IL16: variants seen among roughly 807,000 people sequenced by gnomAD.
IL16 encodes interleukin 16.
A neutral mutation model predicts 110.1 loss-of-function variants in IL16; 67 were observed. That is an observed-to-expected ratio of 0.61 (90% CI 0.50 to 0.75). The LOEUF (loss-of-function observed/expected upper bound fraction) is 0.75, where lower values mean the gene tolerates loss of function less well. Among genes scored for constraint, IL16 ranks in the 30% least tolerant of loss-of-function variants. The pLI is 0.00. For synonymous variants in IL16, 689 were observed against 662.9 expected, an observed-to-expected ratio of 1.04 and a Z score of -0.61; for missense variants, 1,545 against 1,655.0, an observed-to-expected ratio of 0.93 and a Z score of 1.15.
intron 6 of IL16, among the ~76,000 whole-genome samples, chr15:81,277,098 T>TA (rs1243041550): frequency 6.6e-6 from 1 of 150,456 alleles, no homozygotes; most frequent in Non-Finnish European, 1.5e-5. Flanking sequence ...GTCATTGAAA[T>TA]AAAAAACTCA....
Position 81,305,978 on chromosome 15 carries a change from C to T in IL16, c.3491C>T (p.Ser1164Phe), listed in dbSNP as rs1340711187. The change falls in exon 17 of 19, where the codon TCC (serine) becomes TTC (phenylalanine). Residue 1164 changes from serine (S) to phenylalanine (F), a missense_variant. This residue lies in a region of IL16 where 356 missense variants were observed against 399.3 expected (regional missense o/e 0.89). Coordinates refer to ENST00000683961, the MANE Select transcript of IL16 (RefSeq NM_172217.5). ...GTIQKGNEVLSINGKSLKGTT... is the reference protein window; with the variant it reads ...GTIQKGNEVLFINGKSLKGTT... ...ATTCAGAAGGGCAATGAGGTTCTTT[C>T]CATCAACGGCAAGTCTCTCAAGGGG... is the stretch of plus-strand genomic sequence containing the variant. 1.2e-6 allele frequency: 2 copies of T among 1,614,240 alleles called. No individual in the cohort carries two copies. The highest frequency in any genetic ancestry group is 1.7e-6 in the Non-Finnish European group (2 of 1,180,036).
intron 10 of IL16, among the ~76,000 whole-genome samples, chr15:81,288,615 A>G (rs776301175): frequency 5.4e-4 from 82 of 152,108 alleles, no homozygotes; most frequent in Non-Finnish European, 8.4e-4. Flanking sequence ...ACAAGTCCCT[A>G]TGTTCTCCTA....
intron 7 of IL16, among the ~76,000 whole-genome samples, 162 bp downstream of exon 7, chr15:81,279,052 A>G (rs976588179): frequency 2.0e-5 from 3 of 152,242 alleles, no homozygotes; most frequent in East Asian, 3.8e-4. Context: ...CCTGACTCAG[A>G]AAATAATAGT....
At chr15:81,285,650 T>C (rs1899411401) in intron 9 of IL16, 48 bp from the exon 10 acceptor site, 2 of 1,606,578 alleles carry the variant, frequency 1.2e-6, no homozygotes, top group Admixed American at 1.7e-5. Flanking sequence ...ACTGTTCAAA[T>C]GTCTCATTGA....
chr15:81,254,122 A>G (rs946810053), intron 2 of IL16, among the ~76,000 whole-genome samples: 1 of 152,166 alleles, frequency 6.6e-6, no homozygotes, highest in Non-Finnish European at 1.5e-5. Context: ...CTTAGACTGG[A>G]GCAGCTATGG....
intron 1 of IL16, among the ~76,000 whole-genome samples, chr15:81,202,206 AT>A (rs1296415317): frequency 6.6e-6 from 1 of 152,212 alleles, no homozygotes; most frequent in East Asian, 1.9e-4. Context: ...AACTCGAAAT[AT>A]GACAGACAGA....
At chr15:81,186,335 C>G (rs1393014478) in intron 1 of IL16, among the ~76,000 whole-genome samples, 1 of 152,170 alleles carries the variant, frequency 6.6e-6, no homozygotes, top group Non-Finnish European at 1.5e-5. Flanking sequence ...CAAAACAAGA[C>G]ACAGGGAGTT....
intron 12 of IL16, among the ~76,000 whole-genome samples, chr15:81,296,636 A>G (rs1899997559): frequency 6.6e-6 from 1 of 152,100 alleles, no homozygotes; most frequent in Admixed American, 6.5e-5. Context: ...CCACACTCAA[A>G]GCCTTTTGTT....
rs773520219 is a variant in IL16, at chr15:81,259,793, C to G, written c.334C>G (p.Arg112Gly). Residue 112 changes from arginine (R) to glycine (G), a missense_variant, in exon 3 of 19, where the codon CGA becomes GGA. Arg to Gly is a moderately radical substitution (Grantham distance 125). Around this residue, in one of 3 missense-constraint regions of IL16, gnomAD observed 1,185 missense variants for 1,238.8 expected, o/e 0.96. Coordinates refer to ENST00000683961, the MANE Select transcript of IL16 (RefSeq NM_172217.5). ...FMKESSTASS[R>G]EKPGKLEAQS... ...GCAGGAATCTTCCACAGCTTCCTCT[C>G]GAGAAAAGCCTGGAAAACTAGAAGC... 1 of 1,613,210 alleles carries G rather than the reference C, an allele frequency of 6.2e-7. No individual in the cohort carries two copies.
Position 81,217,609 on chromosome 15 carries a change from A to G in IL16, c.-101-7690A>G, listed in dbSNP as rs557878059. On this transcript the variant is annotated intron_variant, in intron 1 of 18. Transcript: ENST00000683961. ...TGGCAGACCATTCCTATTTGTGAATATAGATATAAAAGTCCTAAATAAAAT... is the reference window on the plus strand; with the variant it reads ...TGGCAGACCATTCCTATTTGTGAATGTAGATATAAAAGTCCTAAATAAAAT... 2.6e-5 allele frequency among the ~76,000 whole-genome samples: 4 copies of G among 152,330 alleles called. No individual in the cohort carries two copies. In the South Asian group the frequency reaches 6.2e-4, roughly 24 times the overall value.
Position 81,292,986 on chromosome 15 carries a change from G to A in IL16, c.1851G>A (p.Glu617=). ...GTGACCCTCAGAAGAGTCTGGAAGA[G>A]AGAGAGAACTCCTCATGCTCTTCTG... ...SDSDPQKSLE[E]RENSSCSSGH... is the part of the protein sequence containing the mutation. The change falls in exon 12 of 19, where the codon GAG becomes GAA. Residue 617 remains glutamate, a synonymous_variant. Coordinates refer to ENST00000683961, the MANE Select transcript of IL16 (RefSeq NM_172217.5). 1.2e-6 allele frequency: 2 copies of A among 1,613,332 alleles called. No individual in the cohort carries two copies. Among genetic ancestry groups the A allele is most frequent in the Non-Finnish European group, 1.7e-6 (2 of 1,180,024 alleles).
intron 1 of IL16, among the ~76,000 whole-genome samples, chr15:81,205,951 CAATG>C (rs1024574886): frequency 2.0e-5 from 3 of 151,986 alleles, no homozygotes; most frequent in East Asian, 1.9e-4. Context: ...AAAGAGCACT[CAATG>C]AAGGCATGAA....
intron 18 of IL16, 48 bp downstream of exon 18, chr15:81,306,593 TGGCCA>T: frequency 6.2e-7 from 1 of 1,604,572 alleles, no homozygotes; most frequent in African/African-American, 1.3e-5. Flanking sequence ...TGTGGGCATG[TGGCCA>T]GGCCCCCAAA....
Position 81,313,360 on chromosome 15 carries a change from G to A in IL16, c.*4562G>A, listed in dbSNP as rs759443451. ...ACGTTCTGTGGGAGGTAACCGCTGA[G>A]GTCGGTATGGAAGAATGTGACCAGG... On this transcript the variant is annotated 3_prime_UTR_variant, in exon 19 of 19. Transcript: ENST00000683961. 16 of 1,582,142 alleles carry A rather than the reference G, an allele frequency of 1.0e-5. No homozygotes were observed. The South Asian group carries it at 1.9e-4, about 19-fold the overall frequency.
chr15:81,201,179 G>A (rs1390605183), intron 1 of IL16, among the ~76,000 whole-genome samples: 1 of 151,844 alleles, frequency 6.6e-6, no homozygotes, highest in African/African-American at 2.4e-5. Context: ...GTGTATGTGT[G>A]GTGAAAAAGA....
intron 4 of IL16, among the ~76,000 whole-genome samples, chr15:81,266,454 T>C (rs1898385913): frequency 6.6e-6 from 1 of 152,188 alleles, no homozygotes; most frequent in Non-Finnish European, 1.5e-5. Flanking sequence ...TGCTCCTCAG[T>C]CCATGACCTT....
intron 12 of IL16, among the ~76,000 whole-genome samples, chr15:81,293,374 G>C (rs544701992): frequency 1.1e-4 from 16 of 152,264 alleles, no homozygotes; most frequent in African/African-American, 3.6e-4. Flanking sequence ...GTGGATCTTT[G>C]AGTGTCCTGC....
intron 1 of IL16, among the ~76,000 whole-genome samples, chr15:81,191,608 C>T (rs1185327757): frequency 6.6e-6 from 1 of 152,174 alleles, no homozygotes; most frequent in African/African-American, 2.4e-5. Context: ...AACAAGACAG[C>T]TTCAAATGCT....
intron 1 of IL16, among the ~76,000 whole-genome samples, chr15:81,183,048 T>TGTGTGTGCACACGTGTGA (rs1566985514): frequency 6.6e-6 from 1 of 151,960 alleles, no homozygotes; most frequent in South Asian, 2.1e-4. Flanking sequence ...CACGTGTGAG[T>TGTGTGTGCACACGTGTGA]GTGTGTGCAC....
Sources: gnomAD v4.1 joint callset for allele counts (sites outside exome capture counted in the v4.1 genomes callset) on GRCh38, gnomAD v4.1.1 for gene constraint, gnomAD v4.1.1 regional missense constraint, MANE v1.5 for transcripts, NCBI Gene and HGNC (gene_info 2026-07-23, HGNC 2026-07-21) for gene names.